CAMK1D: variants seen among roughly 807,000 people sequenced by gnomAD.
The protein encoded by CAMK1D is calcium/calmodulin dependent protein kinase ID.
A neutral mutation model predicts 47.7 loss-of-function variants in CAMK1D; 9 were observed. The observed-to-expected ratio is 0.19, with a 90% CI of 0.11 to 0.33. The LOEUF is 0.33. Ranked by LOEUF, CAMK1D falls within the 10% of genes least tolerant of loss-of-function variation. The pLI is 1.00. For missense variants in CAMK1D, 291 were observed against 488.7 expected (o/e 0.60, Z 3.81); for synonymous variants, 184 against 184.9 (o/e 0.99, Z 0.04).
At chr10:12,692,812 C>T (rs1035583267) in intron 3 of CAMK1D, among the ~76,000 whole-genome samples, 2 of 152,162 alleles carry the variant, frequency 1.3e-5, no homozygotes, top group African/African-American at 2.4e-5. Context: ...CATTGATTCT[C>T]TGACCACACA....
intron 3 of CAMK1D, among the ~76,000 whole-genome samples, chr10:12,743,080 C>G (rs571248656): frequency 6.6e-6 from 1 of 152,138 alleles, no homozygotes; most frequent in Non-Finnish European, 1.5e-5. Context: ...CCGTGGCTCA[C>G]GCCTGTAATC....
In CAMK1D at chr10:12,530,328, A is replaced by G. The variant is rs551766052; in HGVS notation, c.93-22897A>G. Among the ~76,000 whole-genome samples, 140 of 152,338 alleles carry G rather than the reference A, an allele frequency of 9.2e-4. 1 individual carries two copies. The highest frequency in any genetic ancestry group is 3.2e-3 in the African/African-American group (134 of 41,580). On this transcript the variant is annotated intron_variant, in intron 1 of 10. Transcript: ENST00000619168. ...TGAATATCTTGTTTGGGGAAAGCAC[A>G]GGACTGAATTATCTCAGTGTTGTAA...
chr10:12,694,091 TATATTATATAA>T (rs1833079369), intron 3 of CAMK1D, among the ~76,000 whole-genome samples: 1 of 59,806 alleles, frequency 1.7e-5, no homozygotes, highest in East Asian at 7.5e-4. Flanking sequence ...ATGTATAATA[TATATTATATAA>T]TATATAATAT....
rs576852048 is a variant in CAMK1D, at chr10:12,422,832, C to G, written c.92+72922C>G. On this transcript the variant is annotated intron_variant, in intron 1 of 10. Coordinates refer to ENST00000619168, the MANE Select transcript of CAMK1D (RefSeq NM_153498.4). ...GGATTACAGGCGCCTGCCACCATGC[C>G]TGGCTCATTTTTGTATTTTTAGTAG... Among the ~76,000 whole-genome samples, 7 of 152,134 alleles carry G rather than the reference C, an allele frequency of 4.6e-5. No individual in the cohort carries two copies. The South Asian group carries it at 1.5e-3, about 32-fold the overall frequency.
intron 1 of CAMK1D, among the ~76,000 whole-genome samples, chr10:12,449,412 G>A (rs1035302973): frequency 1.3e-5 from 2 of 151,548 alleles, no homozygotes; most frequent in African/African-American, 4.9e-5. Context: ...AACCAGCTGT[G>A]TATACCCTAG....
intron 1 of CAMK1D, among the ~76,000 whole-genome samples, chr10:12,442,141 A>G (rs1832800544): frequency 6.6e-6 from 1 of 152,216 alleles, no homozygotes; most frequent in Admixed American, 6.5e-5. Flanking sequence ...TGTTAACTCT[A>G]GGCTCAAGGA....
rs918143810 is a variant in CAMK1D, at chr10:12,833,434, G to A, written c.*4547G>A. The A allele has an allele frequency of 1.3e-5, 2 of 152,276 alleles. No homozygotes were observed. The highest frequency in any genetic ancestry group is 2.9e-5 in the Non-Finnish European group (2 of 68,064). The allele number at this position is 152,276 out of a possible 1,614,324, so 9.4% of individuals were successfully genotyped here. ...TTTTATGAGCATTTTTAAACAGAAA[G>A]GAAAGATGATATCCCAGTGCAGGTA... On this transcript the variant is annotated 3_prime_UTR_variant, in exon 11 of 11. Transcript: ENST00000619168.
At chr10:12,422,480 T>A (rs917697232) in intron 1 of CAMK1D, among the ~76,000 whole-genome samples, 2 of 152,118 alleles carry the variant, frequency 1.3e-5, no homozygotes, top group African/African-American at 4.8e-5. Context: ...TACGAGGGGA[T>A]GCGATGCCTG....
chr10:12,566,563 T>C (rs1218596452), intron 2 of CAMK1D, among the ~76,000 whole-genome samples: 1 of 152,174 alleles, frequency 6.6e-6, no homozygotes, highest in African/African-American at 2.4e-5. Flanking sequence ...GACATCTTGG[T>C]CCAGTTCTCT....
chr10:12,520,063 G>A (rs1173954914), intron 1 of CAMK1D, among the ~76,000 whole-genome samples: 2 of 84,510 alleles, frequency 2.4e-5, no homozygotes, highest in Admixed American at 1.1e-4. Flanking sequence ...GGCCGGGTGG[G>A]GGGCTGACCC....
chr10:12,484,213 C>A (rs573421729), intron 1 of CAMK1D, among the ~76,000 whole-genome samples: 2 of 152,282 alleles, frequency 1.3e-5, no homozygotes, highest in East Asian at 3.9e-4. Context: ...TCAGCCTCCT[C>A]CCTGCTTTCA....
intron 3 of CAMK1D, among the ~76,000 whole-genome samples, chr10:12,671,994 C>A (rs1251377974): frequency 6.7e-6 from 1 of 148,958 alleles, no homozygotes; most frequent in East Asian, 2.0e-4. Context: ...TGGCTCACTG[C>A]AAGCTGTGCC....
chr10:12,713,706 T>C (rs1280310460), intron 3 of CAMK1D, among the ~76,000 whole-genome samples: 2 of 152,124 alleles, frequency 1.3e-5, no homozygotes, highest in African/African-American at 4.8e-5. Context: ...CAGGTGGCCA[T>C]GGAAGCAGGG....
At chr10:12,457,926 G>T (rs1361466722) in intron 1 of CAMK1D, among the ~76,000 whole-genome samples, 2 of 152,162 alleles carry the variant, frequency 1.3e-5, no homozygotes, top group African/African-American at 2.4e-5. Context: ...GAGTGATTGG[G>T]AATAGGTGTC....
intron 3 of CAMK1D, among the ~76,000 whole-genome samples, chr10:12,674,598 G>GCTTTTTTTTTTT (rs1840736285): frequency 3.0e-4 from 5 of 16,746 alleles, no homozygotes; most frequent in Non-Finnish European, 4.7e-4. Flanking sequence ...TTGGAAAAAT[G>GCTTTTTTTTTTT]CTTTTTTTTT....
intron 3 of CAMK1D, among the ~76,000 whole-genome samples, chr10:12,739,797 C>T (rs965080836): frequency 4.6e-5 from 7 of 152,054 alleles, no homozygotes; most frequent in African/African-American, 7.2e-5. Flanking sequence ...GGTGCTCTCT[C>T]GGTCTTGGTT....
chr10:12,619,413 G>A (rs969806530), intron 2 of CAMK1D, among the ~76,000 whole-genome samples: 15 of 151,760 alleles, frequency 9.9e-5, no homozygotes, highest in Admixed American at 6.6e-5. Context: ...GCCTCAGCCC[G>A]AGTAGCTGGG....
At chr10:12,767,402 C>A (rs1836817237) in intron 4 of CAMK1D, among the ~76,000 whole-genome samples, 2 of 152,112 alleles carry the variant, frequency 1.3e-5, no homozygotes, top group African/African-American at 2.4e-5. Flanking sequence ...GTCTTGAACT[C>A]CTAACCTCAG....
intron 1 of CAMK1D, among the ~76,000 whole-genome samples, chr10:12,503,119 T>C (rs1401541474): frequency 6.6e-6 from 1 of 152,260 alleles, no homozygotes; most frequent in Non-Finnish European, 1.5e-5. Flanking sequence ...CCTACGTGTG[T>C]ACACATATAC....
Sources: gnomAD v4.1 joint callset for allele counts (sites outside exome capture counted in the v4.1 genomes callset) on GRCh38, gnomAD v4.1.1 for gene constraint, MANE v1.5 for transcripts, NCBI Gene and HGNC (gene_info 2026-07-23, HGNC 2026-07-21) for gene names.